ARHGAP29: variants seen among roughly 807,000 people sequenced by gnomAD.
ARHGAP29 encodes the protein rho GTPase-activating protein 29.
ARHGAP29 carries 43 observed loss-of-function variants against 122.6 expected under a neutral mutation model. The observed-to-expected ratio is 0.35, with a 90% CI of 0.27 to 0.45. The LOEUF (loss-of-function observed/expected upper bound fraction) is 0.45. ARHGAP29 is among the 20% of genes least tolerant of loss of function. ARHGAP29 has a pLI of 1.00. For synonymous variants in ARHGAP29, 506 were observed against 497.1 expected (o/e 1.02, Z -0.24); for missense variants, 1,303 against 1,477.2 (o/e 0.88, Z 1.93).
chr1:94,303,372 G>T, the ARHGAP29 span, among the ~76,000 whole-genome samples: 3 of 152,198 alleles, frequency 2.0e-5, no homozygotes, highest in South Asian at 4.1e-4. Flanking sequence ...GAACTTCATA[G>T]AGACAGAAAG....
At chr1:94,271,873 G>A (rs979199532) in intron 1 of ARHGAP29, among the ~76,000 whole-genome samples, 7 of 152,208 alleles carry the variant, frequency 4.6e-5, no homozygotes, top group Admixed American at 3.9e-4. Context: ...GAAGTACAAG[G>A]TGCAGCTTCT....
chr1:94,307,959 T>C, the ARHGAP29 span, among the ~76,000 whole-genome samples: 1 of 152,192 alleles, frequency 6.6e-6, no homozygotes, highest in Non-Finnish European at 1.5e-5. Context: ...GCTCCTTCTT[T>C]TTCTTCCTGT....
chr1:94,211,287 CAAAAAAAAAAAA>C (rs71094285), intron 3 of ARHGAP29, among the ~76,000 whole-genome samples: 77 of 35,998 alleles, frequency 2.1e-3, no homozygotes, highest in African/African-American at 7.2e-3. Flanking sequence ...GCTCTGGCTC[CAAAAAAAAAAAA>C]AAAAAAAAAA....
At chr1:94,256,620 C>G (rs370021845) in intron 1 of ARHGAP29, among the ~76,000 whole-genome samples, 2 of 119,320 alleles carry the variant, frequency 1.7e-5, no homozygotes, top group African/African-American at 3.2e-5. Context: ...TGCAGTGGCG[C>G]GATTCTCGGC....
At position 94,196,507 on chromosome 1, in the gene ARHGAP29, C is replaced by T. The variant is rs113148451; in HGVS notation, c.1281+5213G>A. 2.0e-3 allele frequency among the ~76,000 whole-genome samples: 297 copies of T among 151,732 alleles called. 2 individuals are homozygous for T. Among genetic ancestry groups the T allele is most frequent in the African/African-American group, 6.9e-3 (284 of 41,402 alleles). ...CGATCTCCTGACCTCGTGATCCGCCCGCCTCGGCCTCCCAAAGTGCTGGGA... is the reference window on the plus strand; with the variant it reads ...CGATCTCCTGACCTCGTGATCCGCCTGCCTCGGCCTCCCAAAGTGCTGGGA... On this transcript the variant is annotated intron_variant, in intron 12 of 22. Transcript: ENST00000260526.
At chr1:94,175,405 TA>T (rs1649027797) in intron 22 of ARHGAP29, among the ~76,000 whole-genome samples, 1 of 152,330 alleles carries the variant, frequency 6.6e-6, no homozygotes, top group Non-Finnish European at 1.5e-5. Context: ...GCATCTATCC[TA>T]AAAAATTCCA....
chr1:94,242,435 C>A (rs1049942728), upstream of ARHGAP29, among the ~76,000 whole-genome samples: 2 of 151,786 alleles, frequency 1.3e-5, no homozygotes, highest in African/African-American at 4.8e-5. Context: ...TATACAGAAG[C>A]AAAATCTATG....
intron 1 of ARHGAP29, among the ~76,000 whole-genome samples, chr1:94,263,345 C>A (rs1287637096): frequency 6.6e-6 from 1 of 151,402 alleles, no homozygotes; most frequent in Non-Finnish European, 1.5e-5. Context: ...CCCTGTGACA[C>A]AAATTTACCT....
At chr1:94,225,592 T>C (rs1186602389) in intron 2 of ARHGAP29, among the ~76,000 whole-genome samples, 3 of 152,076 alleles carry the variant, frequency 2.0e-5, no homozygotes, top group African/African-American at 7.2e-5. Context: ...TCAATTTCAT[T>C]TGCTGTGTAG....
At chr1:94,268,409 G>GCA (rs1654858453) in intron 1 of ARHGAP29, among the ~76,000 whole-genome samples, 2 of 151,862 alleles carry the variant, frequency 1.3e-5, no homozygotes, top group Admixed American at 6.6e-5. Context: ...CATCCCCCCA[G>GCA]CACACACACA....
Position 94,185,465 on chromosome 1 carries a change from T to C in ARHGAP29, c.1797A>G (p.Gly599=). 1 of 1,607,978 alleles carries C rather than the reference T, an allele frequency of 6.2e-7. No homozygotes were observed. The highest frequency in any genetic ancestry group is 8.5e-7 in the Non-Finnish European group (1 of 1,178,104). The change falls in exon 17 of 23, where the codon GGA becomes GGG. Residue 599 remains glycine (G), a synonymous_variant. Coordinates refer to ENST00000260526, the MANE Select transcript of ARHGAP29 (RefSeq NM_004815.4). ...SPSETGPNSL[G]TFKKTLMSKA... ...TTGACATCAATGTTTTCTTAAATGTTCCAAGGGAATTGGGTCCTTGCAAGA... is the reference window on the plus strand; with the variant it reads ...TTGACATCAATGTTTTCTTAAATGTCCCAAGGGAATTGGGTCCTTGCAAGA...
chr1:94,192,255 C>G (rs1005404818), intron 12 of ARHGAP29: 2 of 152,108 alleles, frequency 1.3e-5, no homozygotes, highest in Non-Finnish European at 2.9e-5. Context: ...AATCAAGACT[C>G]TGAAAAGTAA....
intron 12 of ARHGAP29, among the ~76,000 whole-genome samples, chr1:94,201,506 T>TTCTCTCTCTC (rs111304569): frequency 2.1e-5 from 3 of 141,298 alleles, no homozygotes; most frequent in African/African-American, 8.1e-5. Context: ...CCTTCCTTCC[T>TTCTCTCTCTC]TCTCTCTCTC....
intron 1 of ARHGAP29, chr1:94,247,776 C>G (rs1653877804): frequency 2.1e-6 from 1 of 479,654 alleles, no homozygotes; most frequent in Non-Finnish European, 2.7e-6. Flanking sequence ...CCGCCTGCCC[C>G]GCCCCTTGGA....
intron 5 of ARHGAP29, among the ~76,000 whole-genome samples, chr1:94,208,612 A>G (rs1216484847): frequency 6.6e-6 from 1 of 151,890 alleles, no homozygotes; most frequent in Non-Finnish European, 1.5e-5. Flanking sequence ...GGTGCCCACC[A>G]CCATGCCCAG....
At chr1:94,174,799 G>C (rs779600924) in intron 22 of ARHGAP29, 50 bp from the exon 23 acceptor site, 1 of 1,550,788 alleles carries the variant, frequency 6.4e-7, no homozygotes, top group Non-Finnish European at 8.7e-7. Flanking sequence ...GTTAATAAGA[G>C]AGTTTGAATG....
intron 2 of ARHGAP29, among the ~76,000 whole-genome samples, chr1:94,229,983 T>C (rs942763933): frequency 6.6e-6 from 1 of 151,692 alleles, no homozygotes; most frequent in African/African-American, 2.4e-5. Context: ...TTATTTATAC[T>C]AATAAAAATG....
rs574477569 is a variant in ARHGAP29, at chr1:94,171,324, C to T, written c.*2545G>A. Among the ~76,000 whole-genome samples, 1 of 152,196 alleles carries T rather than the reference C, an allele frequency of 6.6e-6. No homozygotes were observed. The highest frequency in any genetic ancestry group is 1.5e-5 in the Non-Finnish European group (1 of 68,036). The stretch of plus-strand genomic sequence containing the variant: ...GGTACACTAAAAGTAATTTAACATA[C>T]TGTACTCATAAATTCTAACTAAGTT... On this transcript the variant is annotated 3_prime_UTR_variant, in exon 23 of 23. Transcript: ENST00000260526.
Position 94,173,004 on chromosome 1 carries a change from C to T in ARHGAP29, c.*865G>A, listed in dbSNP as rs1002985679. ...ACAAAAGGAATGGTTTTAACCCAGACAAATCAAGAGGAAATGCACTGAATT... is the reference window on the plus strand; with the variant it reads ...ACAAAAGGAATGGTTTTAACCCAGATAAATCAAGAGGAAATGCACTGAATT... On this transcript the variant is annotated 3_prime_UTR_variant, in exon 23 of 23. Transcript: ENST00000260526. 2 of 152,420 alleles carry T rather than the reference C, an allele frequency of 1.3e-5. No individual in the cohort carries two copies. The highest frequency in any genetic ancestry group is 4.8e-5 in the African/African-American group (2 of 41,364). The allele number at this position is 152,420 out of a possible 1,614,324, so 9.4% of individuals were successfully genotyped here. A position where few individuals can be genotyped will look rare whatever the true frequency, so the allele number is the denominator to read the frequency against.
Sources: allele counts gnomAD v4.1 joint callset (sites outside exome capture counted in the v4.1 genomes callset), GRCh38; gene constraint gnomAD v4.1.1; transcripts MANE v1.5; gene names NCBI Gene and HGNC (gene_info 2026-07-23, HGNC 2026-07-21).